EFCAB6: variants seen among roughly 807,000 people sequenced by gnomAD.
The protein encoded by EFCAB6 is EF-hand calcium-binding domain-containing protein 6.
EFCAB6 carries 156 observed loss-of-function variants against 169.8 expected under a neutral mutation model. The ratio of observed to expected loss-of-function variants is 0.92; its 90% CI spans 0.81 to 1.05. The LOEUF (loss-of-function observed/expected upper bound fraction) is 1.05, where lower values mean the gene tolerates loss of function less well. EFCAB6 is among the 50% of genes least tolerant of loss of function. The pLI is 0.00. For missense variants in EFCAB6, 1,800 were observed against 1,829.1 expected, an observed-to-expected ratio of 0.98 and a Z score of 0.29; for synonymous variants, 698 against 676.4, an observed-to-expected ratio of 1.03 and a Z score of -0.50.
At chr22:43,587,190 T>G (rs567954493) in intron 24 of EFCAB6, among the ~76,000 whole-genome samples, 1 of 152,316 alleles carries the variant, frequency 6.6e-6, no homozygotes, top group African/African-American at 2.4e-5. Flanking sequence ...TCTGGGTGCC[T>G]GTCCCTCCCA....
intron 11 of EFCAB6, among the ~76,000 whole-genome samples, chr22:43,686,552 G>A (rs2058201432): frequency 6.6e-6 from 1 of 152,086 alleles, no homozygotes; most frequent in African/African-American, 2.4e-5. Context: ...CGTGCTATTG[G>A]ACAAGAAAAT....
At position 43,618,223 on chromosome 22, in the gene EFCAB6, A is replaced by AAAGAAAGAAAGG. The variant is rs1569257564; in HGVS notation, c.2466-2302_2466-2301insCCTTTCTTTCTT. Among the ~76,000 whole-genome samples the AAAGAAAGAAAGG allele has an allele frequency of 1.7e-4, 17 of 97,952 alleles. 2 individuals are homozygous for AAAGAAAGAAAGG. The East Asian group carries it at 5.1e-3, about 29-fold the overall frequency. The allele number at this position is 97,952 out of a possible 152,430, so 64.3% of individuals were successfully genotyped here. On this transcript the variant is annotated intron_variant, in intron 20 of 31. Transcript: ENST00000262726. ...GAAAGAAAGAAAGAAAGAAAGAAAGAGAAAGAAAGAAAGAGAGAGAAAGAG... is the reference window on the plus strand; with the variant it reads ...GAAAGAAAGAAAGAAAGAAAGAAAGAAAGAAAGAAAGGGAAAGAAAGAAAGAGAGAGAAAGAG...
intron 27 of EFCAB6, among the ~76,000 whole-genome samples, chr22:43,549,955 CA>C (rs1211863606): frequency 2.6e-5 from 4 of 152,172 alleles, no homozygotes; most frequent in African/African-American, 9.7e-5. Context: ...GGATAAAATT[CA>C]ACATCTATTC....
In EFCAB6 at chr22:43,724,407, TC is replaced by T. The variant is rs772391445; in HGVS notation, c.757+7291del. ...TTTTGAGAAGGAGTCTCGCTCTGTCTCCCAGGCTGGAATGCAGTGACACGAT... is the reference window on the plus strand; with the variant it reads ...TTTTGAGAAGGAGTCTCGCTCTGTCTCCAGGCTGGAATGCAGTGACACGAT... On this transcript the variant is annotated intron_variant, in intron 8 of 31. Coordinates refer to ENST00000262726, the MANE Select transcript of EFCAB6 (RefSeq NM_022785.4). 4.1e-5 allele frequency among the ~76,000 whole-genome samples: 6 copies of T among 146,076 alleles called. No individual in the cohort carries two copies. In the East Asian group the frequency reaches 1.2e-3, roughly 30 times the overall value.
chr22:43,637,298 T>C (rs137733), intron 17 of EFCAB6, among the ~76,000 whole-genome samples: 84,069 of 152,046 alleles, frequency 0.55, 23,542 homozygotes, highest in East Asian at 0.77. Flanking sequence ...CTGGACGTGG[T>C]TCTTGGCAAT....
intron 4 of EFCAB6, among the ~76,000 whole-genome samples, chr22:43,769,062 C>T (rs1214143113): frequency 6.6e-6 from 1 of 152,200 alleles, no homozygotes; most frequent in African/African-American, 2.4e-5. Context: ...CACAGCAGTG[C>T]TATTCACAAA....
At chr22:43,632,663 TA>T (rs1308203705) in intron 18 of EFCAB6, among the ~76,000 whole-genome samples, 1 of 152,136 alleles carries the variant, frequency 6.6e-6, no homozygotes, top group African/African-American at 2.4e-5. Flanking sequence ...TAAAATCCCA[TA>T]CAGTACCCTC....
At position 43,744,021 on chromosome 22, in the gene EFCAB6, GATGAATGA is replaced by G. The variant is rs200830766; in HGVS notation, c.508-8036_508-8029del. On this transcript the variant is annotated intron_variant, in intron 6 of 31. Transcript: ENST00000262726. The surrounding 1 kb of genome is among the most constrained non-coding windows in gnomAD (Gnocchi z 4.3). ...TGAATGAATGGATGAAGGGATGAAT[GATGAATGA>G]ATGAATGAATGAATGGGTTATGGAT... Among the ~76,000 whole-genome samples, 3 of 151,510 alleles carry G rather than the reference GATGAATGA, an allele frequency of 2.0e-5. No homozygotes were observed. The highest frequency in any genetic ancestry group is 2.9e-5 in the Non-Finnish European group (2 of 67,924).
intron 2 of EFCAB6, among the ~76,000 whole-genome samples, chr22:43,796,912 T>A (rs1422222848): frequency 6.6e-6 from 1 of 152,182 alleles, no homozygotes; most frequent in Admixed American, 6.5e-5. Context: ...GTGACGTGGA[T>A]GGAATCATTC....
intron 6 of EFCAB6, among the ~76,000 whole-genome samples, chr22:43,749,286 T>C (rs2060672414): frequency 1.3e-5 from 2 of 152,076 alleles, no homozygotes; most frequent in African/African-American, 4.8e-5. Flanking sequence ...TACGTTTTTG[T>C]CTGTGGACAC....
chr22:43,654,191 G>T (rs2148084174), intron 17 of EFCAB6, among the ~76,000 whole-genome samples: 1 of 152,326 alleles, frequency 6.6e-6, no homozygotes, highest in East Asian at 1.9e-4. Context: ...GAGTAAGTTA[G>T]TAAGTGGAAG....
rs563119022 is a variant in EFCAB6 at position 43,707,127 on chromosome 22, G to A, written c.1031+4348C>T. 9.9e-5 allele frequency among the ~76,000 whole-genome samples: 15 copies of A among 152,278 alleles called. No homozygotes were observed. In the South Asian group the frequency reaches 1.2e-3, roughly 13 times the overall value. On this transcript the variant is annotated intron_variant, in intron 10 of 31. Coordinates refer to ENST00000262726, the MANE Select transcript of EFCAB6 (RefSeq NM_022785.4). The stretch of plus-strand genomic sequence containing the variant: ...TCTAGTGTAGGCTCAAAGGGAATGG[G>A]GTTTTAATGCACATTTGGGGTTAGA...
intron 2 of EFCAB6, among the ~76,000 whole-genome samples, chr22:43,789,646 G>A (rs1041687173): frequency 2.0e-5 from 3 of 152,168 alleles, no homozygotes; most frequent in South Asian, 2.1e-4. Flanking sequence ...ACATGCCTTC[G>A]TGATTTTTAA....
rs979859212 is a variant in EFCAB6, at chr22:43,737,012, A to T, written c.508-1019T>A. Among the ~76,000 whole-genome samples, 3 of 151,338 alleles carry T rather than the reference A, an allele frequency of 2.0e-5. No homozygotes were observed. In the South Asian group the frequency reaches 6.3e-4, roughly 32 times the overall value. On this transcript the variant is annotated intron_variant, in intron 6 of 31. Transcript: ENST00000262726. Reference sequence around the variant, plus strand: ...TGCCTCTCAGCCTCACTTCCTTCCTAACCCTCCCATCAACACCTTCGCTGC... The same window carrying T: ...TGCCTCTCAGCCTCACTTCCTTCCTTACCCTCCCATCAACACCTTCGCTGC...
intron 15 of EFCAB6, among the ~76,000 whole-genome samples, chr22:43,669,611 TG>T (rs1452558153): frequency 6.6e-6 from 1 of 152,176 alleles, no homozygotes; most frequent in Non-Finnish European, 1.5e-5. Context: ...GGAAGATTTT[TG>T]GGGTGGCGAA....
intron 26 of EFCAB6, among the ~76,000 whole-genome samples, chr22:43,571,240 A>C (rs2049855147): frequency 1.3e-5 from 2 of 152,212 alleles, no homozygotes; most frequent in Admixed American, 1.3e-4. Context: ...GTGTGCTTTC[A>C]GTTTACTCAA....
chr22:43,752,193 CT>C (rs1386973747), intron 6 of EFCAB6, among the ~76,000 whole-genome samples: 1 of 143,520 alleles, frequency 7.0e-6, no homozygotes, highest in African/African-American at 2.6e-5. Context: ...TCTCGGCTTA[CT>C]GCAACCTCTG....
At chr22:43,731,670 C>A in intron 8 of EFCAB6, 29 bp downstream of exon 8, 1 of 1,368,678 alleles carries the variant, frequency 7.3e-7, no homozygotes, top group Non-Finnish European at 1.0e-6. Context: ...ATATTGAAAT[C>A]TTTAGCTATA....
intron 21 of EFCAB6, among the ~76,000 whole-genome samples, chr22:43,611,067 A>C (rs1036972934): frequency 6.6e-6 from 1 of 152,248 alleles, no homozygotes; most frequent in African/African-American, 2.4e-5. Context: ...CTATGAGACC[A>C]GTATTGCCCT....
Sources: allele counts gnomAD v4.1 joint callset (sites outside exome capture counted in the v4.1 genomes callset), GRCh38; gene constraint gnomAD v4.1.1; non-coding constraint Gnocchi (gnomAD v3.1); transcripts MANE v1.5; gene names NCBI Gene and HGNC (gene_info 2026-07-23, HGNC 2026-07-21).